The following LYST variants were observed in gnomAD, a reference collection of about 807,000 sequenced individuals.
LYST encodes the protein lysosomal trafficking regulator.
A neutral mutation model predicts 413.6 loss-of-function variants in LYST; 192 were observed. The observed-to-expected ratio is 0.46, with a 90% CI of 0.41 to 0.52. LYST has a LOEUF of 0.52. Among genes scored for constraint, LYST ranks in the 20% least tolerant of loss-of-function variants. The pLI is 0.00. For missense variants in LYST, 3,815 were observed against 4,499.9 expected, an observed-to-expected ratio of 0.85 and a Z score of 4.35; for synonymous variants, 1,525 against 1,567.3, an observed-to-expected ratio of 0.97 and a Z score of 0.64.
At chr1:235,793,110 G>C (rs1671194469) in intron 11 of LYST, among the ~76,000 whole-genome samples, 1 of 152,192 alleles carries the variant, frequency 6.6e-6, no homozygotes, top group Non-Finnish European at 1.5e-5. Context: ...CACACCAATG[G>C]AAAGGGGAAG....
chr1:235,695,629 A>ATTTTTTTTTTTTTT (rs148101450), intron 46 of LYST, among the ~76,000 whole-genome samples: 12 of 116,418 alleles, frequency 1.0e-4, no homozygotes, highest in African/African-American at 4.1e-4. Flanking sequence ...CAGTACTCTA[A>ATTTTTTTTTTTTTT]TTTTTTTTTT....
rs143223086 is a variant in LYST, at chr1:235,805,777, C to A, written c.3359G>T (p.Ser1120Ile). 914 of 1,613,364 alleles carry A rather than the reference C, an allele frequency of 5.7e-4. 6 individuals are homozygous for A. In the African/African-American group the frequency reaches 0.011, roughly 19 times the overall value. ...LAICLHGART[S>I]QQKMELELPN... ...TAACTCCAATTCCATCTTCTGTTGA[C>A]TAGTTCTGGCACCATGAAGACAAAT... Residue 1120 changes from serine to isoleucine, a missense_variant, in exon 6 of 53, where the codon AGT becomes ATT. By Grantham distance (142) the Ser-to-Ile change is moderately radical. Around this residue, in one of 4 missense-constraint regions of LYST, gnomAD observed 1,648 missense variants for 1,810.3 expected, o/e 0.91. Transcript: ENST00000389793.
chr1:235,814,020 G>A (rs948316226), intron 3 of LYST, among the ~76,000 whole-genome samples: 1 of 152,086 alleles, frequency 6.6e-6, no homozygotes, highest in Non-Finnish European at 1.5e-5. Flanking sequence ...AACAACAGAA[G>A]GGAAAAGGAG....
At chr1:235,882,077 T>TACACACACACACACACACACACACAC (rs1558377526) in intron 1 of LYST, among the ~76,000 whole-genome samples, 1 of 102,000 alleles carries the variant, frequency 9.8e-6, no homozygotes, top group African/African-American at 4.5e-5. Flanking sequence ...CACTCTTTCT[T>TACACACACACACACACACACACACAC]TCACACACAC....
At position 235,720,407 on chromosome 1, in the gene LYST, A is replaced by C. The variant is rs535766684; in HGVS notation, c.9560+254T>G. 5.9e-5 allele frequency among the ~76,000 whole-genome samples: 9 copies of C among 152,222 alleles called. No homozygotes were observed. In the South Asian group the frequency reaches 1.2e-3, roughly 21 times the overall value. ...GGTTGAGATGTTCTATTTTTTAAAGAGATGCATACTGTAGAACAAAGAAGT... is the reference window on the plus strand; with the variant it reads ...GGTTGAGATGTTCTATTTTTTAAAGCGATGCATACTGTAGAACAAAGAAGT... On this transcript the variant is annotated intron_variant, in intron 40 of 52. Coordinates refer to ENST00000389793, the MANE Select transcript of LYST (RefSeq NM_000081.4).
In LYST at chr1:235,720,666, T is replaced by A. The variant is rs1370525507; in HGVS notation, c.9555A>T (p.Ile3185=). Residue 3185 remains isoleucine (I), a synonymous_variant, in exon 40 of 53, where the codon ATA becomes ATT. Transcript: ENST00000389793. The part of the protein sequence containing the change: ...SETLDLNDLL[I]YRNLSKPIAV... Reference sequence around the variant, plus strand: ...TGATGATTCTTTTAACTTACCTGTATATCAACAGATCATTGAGGTCAAGTG... The same window carrying A: ...TGATGATTCTTTTAACTTACCTGTAAATCAACAGATCATTGAGGTCAAGTG... The A allele has an allele frequency of 6.2e-7, 1 of 1,613,492 alleles. No individual in the cohort carries two copies. The highest frequency in any genetic ancestry group is 8.5e-7 in the Non-Finnish European group (1 of 1,179,566).
At chr1:235,799,175 C>A (rs1671919870) in intron 10 of LYST, among the ~76,000 whole-genome samples, 1 of 152,092 alleles carries the variant, frequency 6.6e-6, no homozygotes, top group African/African-American at 2.4e-5. Context: ...ACAGTACAAT[C>A]TCAGTTAATA....
intron 3 of LYST, among the ~76,000 whole-genome samples, chr1:235,813,731 A>G (rs1673735945): frequency 6.6e-6 from 1 of 152,230 alleles, no homozygotes; most frequent in South Asian, 2.1e-4. Context: ...TGGTAGAAGC[A>G]TTCAGTTTAG....
At chr1:235,871,901 G>A (rs1680941747), upstream of LYST, among the ~76,000 whole-genome samples, 1 of 152,172 alleles carries the variant, frequency 6.6e-6, no homozygotes, top group Admixed American at 6.5e-5. Flanking sequence ...ATGTCGGGGA[G>A]GAAATGTTTC....
At chr1:235,722,386 A>C (rs1356895075) in intron 39 of LYST, among the ~76,000 whole-genome samples, 1 of 152,234 alleles carries the variant, frequency 6.6e-6, no homozygotes, top group African/African-American at 2.4e-5. Flanking sequence ...CTTTCTATAG[A>C]GGAGAGCAGA....
intron 1 of LYST, among the ~76,000 whole-genome samples, chr1:235,873,078 A>G (rs1681007742): frequency 6.6e-6 from 1 of 152,180 alleles, no homozygotes; most frequent in South Asian, 2.1e-4. Flanking sequence ...AGAAGGTGAA[A>G]CAGATCTTGC....
intron 16 of LYST, among the ~76,000 whole-genome samples, chr1:235,780,598 T>C (rs1022180338): frequency 6.6e-6 from 1 of 151,964 alleles, no homozygotes; most frequent in Non-Finnish European, 1.5e-5. Context: ...CCTGAATAAT[T>C]AGTAGGTATA....
intron 14 of LYST, among the ~76,000 whole-genome samples, chr1:235,785,583 C>T (rs1300148760): frequency 6.6e-6 from 1 of 152,110 alleles, no homozygotes; most frequent in African/African-American, 2.4e-5. Context: ...ATATAAAGCA[C>T]CTAGCAAAAG....
chr1:235,803,126 T>C, intron 7 of LYST, 62 bp from the exon 8 acceptor site: 3 of 1,351,008 alleles, frequency 2.2e-6, no homozygotes, highest in Non-Finnish European at 2.1e-6. Context: ...AGAATACTTA[T>C]TACTCAAAAG....
Position 235,662,256 on chromosome 1 carries a change from T to G in LYST, c.*684A>C, listed in dbSNP as rs1658102002. 1 of 152,858 alleles carries G rather than the reference T, an allele frequency of 6.5e-6. No homozygotes were observed. 9.5% of individuals were successfully genotyped at this position (152,858 alleles called of 1,614,324 possible). On this transcript the variant is annotated 3_prime_UTR_variant, in exon 53 of 53. Transcript: ENST00000389793. ...TTTTTATGAAGAAACAGAATGTGTC[T>G]GAAATCCAAGATACCTGTATTCTTG...
intron 10 of LYST, among the ~76,000 whole-genome samples, chr1:235,798,576 C>CTTAAAAAAA (rs1558261064): frequency 4.1e-5 from 1 of 24,528 alleles, no homozygotes; most frequent in African/African-American, 1.4e-4. Flanking sequence ...AAAACCCTGT[C>CTTAAAAAAA]ATAAAAAAAA....
chr1:235,734,597 A>G lies in LYST; in HGVS notation c.8421T>C (p.Thr2807=), dbSNP rs749726789. The G allele has an allele frequency of 7.4e-6, 12 of 1,613,220 alleles. No individual in the cohort carries two copies. The highest frequency in any genetic ancestry group is 1.6e-4 in the Middle Eastern group (1 of 6,082). The change falls in exon 32 of 53, where the codon ACT becomes ACC. Residue 2807 remains threonine (T), a synonymous_variant. Transcript: ENST00000389793. ...ELIHNHQGEL[T]EEELGTAELL... is the part of the protein sequence containing the mutation. Reference sequence around the variant, plus strand: ...GTTCTGCTGTGCCTAGCTCTTCTTCAGTCAATTCACCTTGGTGATTATGTA... The same window carrying G: ...GTTCTGCTGTGCCTAGCTCTTCTTCGGTCAATTCACCTTGGTGATTATGTA...
At chr1:235,863,003 T>C (rs532713685) in intron 1 of LYST, among the ~76,000 whole-genome samples, 36 of 152,178 alleles carry the variant, frequency 2.4e-4, no homozygotes, top group Non-Finnish European at 5.0e-4. Context: ...ATTTTGTCTT[T>C]TGACATTACA....
At chr1:235,860,951 T>C (rs930296067) in intron 1 of LYST, among the ~76,000 whole-genome samples, 29 of 151,412 alleles carry the variant, frequency 1.9e-4, no homozygotes, top group African/African-American at 6.1e-4. Context: ...CAGTATGTAC[T>C]TTTTTTTTCT....
Sources: gnomAD v4.1 joint callset for allele counts (sites outside exome capture counted in the v4.1 genomes callset) on GRCh38, gnomAD v4.1.1 for gene constraint, gnomAD v4.1.1 regional missense constraint, MANE v1.5 for transcripts, NCBI Gene and HGNC (gene_info 2026-07-23, HGNC 2026-07-21) for gene names.